EYS: variants seen among roughly 807,000 people sequenced by gnomAD.
EYS encodes the protein protein eyes shut homolog.
Under a neutral mutation model 282.1 loss-of-function variants are expected in EYS, and 250 were observed. The observed-to-expected ratio is 0.89, with a 90% CI of 0.80 to 0.98. The LOEUF is 0.98. Among genes scored for constraint, EYS ranks in the 50% least tolerant of loss-of-function variants. EYS has a pLI of 0.00. For missense variants in EYS, 4,016 were observed against 3,709.0 expected (o/e 1.08, Z -2.15); for synonymous variants, 1,355 against 1,282.9 (o/e 1.06, Z -1.20).
chr6:64,808,615 G>T (rs1309797582), intron 22 of EYS, among the ~76,000 whole-genome samples: 1 of 151,598 alleles, frequency 6.6e-6, no homozygotes, highest in Non-Finnish European at 1.5e-5. Context: ...ATCTAATCTG[G>T]GTTTCTTGGT....
At chr6:64,261,390 TA>T (rs1394950910) in intron 30 of EYS, among the ~76,000 whole-genome samples, 1 of 152,160 alleles carries the variant, frequency 6.6e-6, no homozygotes, top group African/African-American at 2.4e-5. Context: ...TTTTGGTTGA[TA>T]TATTTAATCT....
chr6:64,202,522 A>G (rs1461448097), intron 31 of EYS, among the ~76,000 whole-genome samples: 1 of 152,212 alleles, frequency 6.6e-6, no homozygotes, highest in Non-Finnish European at 1.5e-5. Context: ...TTCTTCATTC[A>G]AGTGTGAAAT....
intron 36 of EYS, among the ~76,000 whole-genome samples, chr6:63,855,573 T>G (rs1772369942): frequency 6.6e-6 from 1 of 152,188 alleles, no homozygotes; most frequent in Admixed American, 6.5e-5. Context: ...TATTTTTAAC[T>G]CAGAAAAAAA....
chr6:64,842,083 ACTAT>A (rs1350998620), intron 19 of EYS, among the ~76,000 whole-genome samples: 1 of 152,038 alleles, frequency 6.6e-6, no homozygotes, highest in Non-Finnish European at 1.5e-5. Context: ...CAGTGTTTGC[ACTAT>A]CTGTTACTCT....
chr6:64,939,010 A>G (rs897074989), intron 15 of EYS, among the ~76,000 whole-genome samples: 2 of 151,770 alleles, frequency 1.3e-5, no homozygotes, highest in African/African-American at 4.8e-5. Flanking sequence ...TCTCAATAAA[A>G]TTATTATTTA....
chr6:65,222,606 T>G (rs1159285642), intron 12 of EYS, among the ~76,000 whole-genome samples: 1 of 152,184 alleles, frequency 6.6e-6, no homozygotes, highest in Non-Finnish European at 1.5e-5. Flanking sequence ...GAATTTGGCC[T>G]CATTTAACCA....
chr6:64,745,713 C>T (rs1282391206), intron 22 of EYS, among the ~76,000 whole-genome samples: 1 of 152,050 alleles, frequency 6.6e-6, no homozygotes, highest in Non-Finnish European at 1.5e-5. Context: ...GTCCAAAAAT[C>T]CAGAAGGGGA....
chr6:63,934,425 T>C (rs1282541576), intron 35 of EYS, among the ~76,000 whole-genome samples: 5 of 152,028 alleles, frequency 3.3e-5, no homozygotes, highest in African/African-American at 9.7e-5. Flanking sequence ...TTATAAATCA[T>C]GCTGCTATAA....
At chr6:65,621,716 A>T (rs187126) in intron 2 of EYS, among the ~76,000 whole-genome samples, 1 of 151,720 alleles carries the variant, frequency 6.6e-6, no homozygotes, top group African/African-American at 2.4e-5. Context: ...CATGTTTAGC[A>T]CTTCCTTCAG....
chr6:65,112,108 G>T (rs1775229366), intron 12 of EYS, among the ~76,000 whole-genome samples: 1 of 151,986 alleles, frequency 6.6e-6, no homozygotes, highest in Non-Finnish European at 1.5e-5. Flanking sequence ...TTCCATCATA[G>T]CATGCTTTCT....
chr6:64,119,037 A>C (rs1773484395), intron 31 of EYS, among the ~76,000 whole-genome samples: 1 of 152,100 alleles, frequency 6.6e-6, no homozygotes, highest in African/African-American at 2.4e-5. Flanking sequence ...CAAAAAGATA[A>C]AAAATAAATA....
intron 30 of EYS, among the ~76,000 whole-genome samples, chr6:64,231,946 G>C (rs190603081): frequency 1.3e-4 from 20 of 152,100 alleles, no homozygotes; most frequent in Middle Eastern, 3.4e-3. Flanking sequence ...TTTATACCTT[G>C]TCATAAAGAT....
At chr6:64,545,219 C>A (rs561675398) in intron 26 of EYS, among the ~76,000 whole-genome samples, 1 of 152,114 alleles carries the variant, frequency 6.6e-6, no homozygotes, top group Non-Finnish European at 1.5e-5. Context: ...GTTCAACATA[C>A]GCAAATCAAT....
chr6:63,903,234 G>C (rs1258938548), intron 35 of EYS, among the ~76,000 whole-genome samples: 1 of 152,138 alleles, frequency 6.6e-6, no homozygotes, highest in Non-Finnish European at 1.5e-5. Context: ...AGTGGAATCT[G>C]AGCTCATGAG....
intron 1 of EYS, among the ~76,000 whole-genome samples, chr6:65,648,314 A>ATATGTGTG (rs373479571): frequency 0.016 from 2,348 of 147,866 alleles, 45 homozygotes; most frequent in Non-Finnish European, 0.022. Flanking sequence ...AAGAAAATAT[A>ATATGTGTG]TGTGTGTGTG....
At chr6:63,919,192 G>A (rs1764500157) in intron 35 of EYS, among the ~76,000 whole-genome samples, 1 of 152,050 alleles carries the variant, frequency 6.6e-6, no homozygotes, top group Admixed American at 6.6e-5. Context: ...GTGAGTTTGG[G>A]GCAGGTATTG....
intron 2 of EYS, among the ~76,000 whole-genome samples, chr6:65,613,404 T>C (rs1349586228): frequency 2.6e-5 from 4 of 151,832 alleles, no homozygotes; most frequent in African/African-American, 7.2e-5. Context: ...ATAGTAATTA[T>C]GAACATAAAA....
intron 26 of EYS, among the ~76,000 whole-genome samples, chr6:64,504,223 A>C (rs1173209333): frequency 1.3e-5 from 2 of 152,144 alleles, no homozygotes; most frequent in Non-Finnish European, 2.9e-5. Context: ...CTTGAAATTC[A>C]TTATCTCAGC....
chr6:65,381,072 T>C (rs1283058983), intron 8 of EYS, among the ~76,000 whole-genome samples: 3 of 152,102 alleles, frequency 2.0e-5, no homozygotes, highest in Non-Finnish European at 4.4e-5. Flanking sequence ...TCCTCAAGGA[T>C]ATAGAACTAG....
Sources: allele counts gnomAD v4.1 joint callset (sites outside exome capture counted in the v4.1 genomes callset), GRCh38; gene constraint gnomAD v4.1.1; transcripts MANE v1.5; gene names NCBI Gene and HGNC (gene_info 2026-07-23, HGNC 2026-07-21).